The following MIPOL1 variants were observed in gnomAD, a reference collection of about 807,000 sequenced individuals.
MIPOL1 encodes the protein mirror-image polydactyly gene 1 protein.
A neutral mutation model predicts 60.9 loss-of-function variants in MIPOL1; 57 were observed. The ratio of observed to expected loss-of-function variants is 0.94; its 90% CI spans 0.76 to 1.17. The LOEUF (loss-of-function observed/expected upper bound fraction) is 1.17. MIPOL1 is among the 50% of genes most tolerant of loss of function. The pLI is 0.00. For missense variants in MIPOL1, 551 were observed against 511.6 expected (o/e 1.08, Z -0.74); for synonymous variants, 179 against 168.8 (o/e 1.06, Z -0.47).
At chr14:37,487,416 C>T (rs771200364) in intron 11 of MIPOL1, among the ~76,000 whole-genome samples, 7 of 152,092 alleles carry the variant, frequency 4.6e-5, no homozygotes, top group Non-Finnish European at 7.4e-5. Flanking sequence ...GGAATGGTAC[C>T]AGCTCTTCTT....
intron 7 of MIPOL1, among the ~76,000 whole-genome samples, chr14:37,297,987 C>T (rs944318996): frequency 5.3e-5 from 8 of 152,222 alleles, no homozygotes; most frequent in East Asian, 3.9e-4. Flanking sequence ...GAGCCCGCAT[C>T]GCCAAGTCAA....
intron 9 of MIPOL1, among the ~76,000 whole-genome samples, chr14:37,350,394 TC>T (rs1210337692): frequency 6.6e-6 from 1 of 152,056 alleles, no homozygotes; most frequent in Non-Finnish European, 1.5e-5. Context: ...CTTTTTCTTT[TC>T]TTTTCTTTTT....
Position 37,221,627 on chromosome 14 carries a change from G to A in MIPOL1, c.-199+23523G>A, listed in dbSNP as rs183570775. 1.9e-3 allele frequency among the ~76,000 whole-genome samples: 294 copies of A among 152,304 alleles called. 1 individual carries two copies. Among genetic ancestry groups the A allele is most frequent in the African/African-American group, 6.5e-3 (272 of 41,568 alleles). ...TCTTCACATTGTGGAGCAAGAGAGA[G>A]AGAGAGGAAAGGGTGAAGTGCTATA... On this transcript the variant is annotated intron_variant, in intron 1 of 12. Transcript: ENST00000684589.
At chr14:37,410,785 G>T (rs2093668805) in intron 10 of MIPOL1, among the ~76,000 whole-genome samples, 2 of 152,188 alleles carry the variant, frequency 1.3e-5, no homozygotes, top group South Asian at 4.1e-4. Flanking sequence ...GCTATATCTT[G>T]TAATTTCTGA....
intron 9 of MIPOL1, among the ~76,000 whole-genome samples, chr14:37,349,188 A>T (rs984477691): frequency 1.3e-5 from 2 of 151,800 alleles, no homozygotes; most frequent in African/African-American, 2.4e-5. Context: ...GGGTTTTGCC[A>T]TGTTGGCTAG....
intron 1 of MIPOL1, among the ~76,000 whole-genome samples, chr14:37,208,236 G>A (rs1268539304): frequency 6.6e-6 from 1 of 152,118 alleles, no homozygotes; most frequent in East Asian, 1.9e-4. Context: ...TTCAATATGT[G>A]TGGTTTTATA....
At chr14:37,270,586 G>T in intron 6 of MIPOL1, 61 bp downstream of exon 6, 1 of 741,526 alleles carries the variant, frequency 1.3e-6, no homozygotes, top group Non-Finnish European at 2.0e-6. Flanking sequence ...ATTATATGAT[G>T]TATCTTGGTG....
intron 11 of MIPOL1, among the ~76,000 whole-genome samples, chr14:37,499,356 A>G (rs551344148): frequency 2.6e-5 from 4 of 152,192 alleles, no homozygotes; most frequent in Non-Finnish European, 5.9e-5. Flanking sequence ...ACATGTATAT[A>G]TGAATACATT....
intron 11 of MIPOL1, among the ~76,000 whole-genome samples, chr14:37,484,221 T>C (rs1041174987): frequency 2.0e-5 from 3 of 152,228 alleles, no homozygotes; most frequent in African/African-American, 7.2e-5. Context: ...TCTTGTAGGT[T>C]TCTGTGTCTT....
chr14:37,388,850 G>A (rs534904957), intron 10 of MIPOL1, among the ~76,000 whole-genome samples: 7 of 152,044 alleles, frequency 4.6e-5, no homozygotes, highest in East Asian at 3.9e-4. Context: ...AAATTCTTGC[G>A]TAGGACCCCA....
At chr14:37,402,264 A>G (rs184654494) in intron 10 of MIPOL1, among the ~76,000 whole-genome samples, 113 of 152,326 alleles carry the variant, frequency 7.4e-4, no homozygotes, top group African/African-American at 2.6e-3. Flanking sequence ...CATTTAATGA[A>G]AGCTTACGTA....
At chr14:37,530,453 A>G (rs2095472355) in intron 12 of MIPOL1, among the ~76,000 whole-genome samples, 1 of 152,216 alleles carries the variant, frequency 6.6e-6, no homozygotes, top group South Asian at 2.1e-4. Context: ...CTTCTCTGGG[A>G]ATAATAGAAA....
At chr14:37,487,197 G>A (rs748297125) in intron 11 of MIPOL1, among the ~76,000 whole-genome samples, 1 of 152,068 alleles carries the variant, frequency 6.6e-6, no homozygotes, top group Admixed American at 6.6e-5. Flanking sequence ...ACTTGATCGT[G>A]GTGGATAAGC....
At chr14:37,200,890 G>T (rs1188776460) in intron 1 of MIPOL1, among the ~76,000 whole-genome samples, 5 of 81,690 alleles carry the variant, frequency 6.1e-5, no homozygotes, top group African/African-American at 3.3e-4. Flanking sequence ...GTGTGTGTGT[G>T]TGTGTGTGTA....
intron 1 of MIPOL1, among the ~76,000 whole-genome samples, chr14:37,226,929 G>A (rs1175844648): frequency 6.6e-6 from 1 of 152,188 alleles, no homozygotes; most frequent in Admixed American, 6.5e-5. Context: ...TGATTATTAA[G>A]AATTCAGTGT....
intron 1 of MIPOL1, among the ~76,000 whole-genome samples, chr14:37,244,496 G>A (rs978243579): frequency 6.6e-6 from 1 of 151,552 alleles, no homozygotes; most frequent in African/African-American, 2.4e-5. Flanking sequence ...ATTTATTATG[G>A]AGAATATTTT....
At chr14:37,543,903 T>C (rs1454936716) in intron 12 of MIPOL1, among the ~76,000 whole-genome samples, 1 of 152,190 alleles carries the variant, frequency 6.6e-6, no homozygotes, top group Non-Finnish European at 1.5e-5. Flanking sequence ...AAATACAATA[T>C]ACCAAGTTTT....
chr14:37,393,097 A>G (rs2093288840), intron 10 of MIPOL1, among the ~76,000 whole-genome samples: 2 of 152,156 alleles, frequency 1.3e-5, no homozygotes, highest in African/African-American at 2.4e-5. Flanking sequence ...TGAGGCAGAG[A>G]TTAGTGTGTC....
At chr14:37,525,355 G>A (rs1447034229) in intron 12 of MIPOL1, among the ~76,000 whole-genome samples, 1 of 152,166 alleles carries the variant, frequency 6.6e-6, no homozygotes, top group Non-Finnish European at 1.5e-5. Flanking sequence ...GTGAATCAAG[G>A]AAGGTTTTAT....
Sources: gnomAD v4.1 joint callset for allele counts (sites outside exome capture counted in the v4.1 genomes callset) on GRCh38, gnomAD v4.1.1 for gene constraint, MANE v1.5 for transcripts, NCBI Gene and HGNC (gene_info 2026-07-23, HGNC 2026-07-21) for gene names.